SEL1L3: variants seen among roughly 807,000 people sequenced by gnomAD.
The protein encoded by SEL1L3 is protein sel-1 homolog 3.
SEL1L3 carries 76 observed loss-of-function variants against 142.8 expected under a neutral mutation model. The ratio of observed to expected loss-of-function variants is 0.53; its 90% confidence interval spans 0.44 to 0.64. The LOEUF (loss-of-function observed/expected upper bound fraction) is 0.64, where lower values mean the gene tolerates loss of function less well. SEL1L3 is among the 30% of genes least tolerant of loss of function. SEL1L3 has a pLI of 0.00. For missense variants in SEL1L3, 1,262 were observed against 1,381.7 expected, an observed-to-expected ratio of 0.91 and a Z score of 1.37; for synonymous variants, 504 against 519.6, an observed-to-expected ratio of 0.97 and a Z score of 0.41.
At chr4:25,728,211 C>A in the SEL1L3 span, among the ~76,000 whole-genome samples, 26 of 152,140 alleles carry the variant, frequency 1.7e-4, no homozygotes, top group Non-Finnish European at 4.4e-5. Flanking sequence ...CTGTTTACTG[C>A]TCTGCAAGCT....
At chr4:25,723,416 G>A in the SEL1L3 span, among the ~76,000 whole-genome samples, 1 of 152,198 alleles carries the variant, frequency 6.6e-6, no homozygotes, top group East Asian at 1.9e-4. Context: ...AGGTGCCCAA[G>A]TGAAATATAA....
At chr4:25,737,701 G>A in the SEL1L3 span, among the ~76,000 whole-genome samples, 10 of 152,048 alleles carry the variant, frequency 6.6e-5, no homozygotes, top group African/African-American at 1.5e-4. Context: ...TTCTTTGCAT[G>A]CTCAAGTCCC....
chr4:25,717,185 A>G, the SEL1L3 span, among the ~76,000 whole-genome samples: 1 of 152,070 alleles, frequency 6.6e-6, no homozygotes, highest in African/African-American at 2.4e-5. Context: ...TACACCTACT[A>G]TGTAGCACAA....
chr4:25,724,693 C>G, the SEL1L3 span, among the ~76,000 whole-genome samples: 3 of 117,072 alleles, frequency 2.6e-5, no homozygotes, highest in Non-Finnish European at 4.8e-5. Flanking sequence ...GCCAAGATGG[C>G]GCCACTGCAC....
At chr4:25,738,500 C>T in the SEL1L3 span, among the ~76,000 whole-genome samples, 9 of 152,166 alleles carry the variant, frequency 5.9e-5, no homozygotes, top group African/African-American at 2.2e-4. Flanking sequence ...AACACCAAGG[C>T]TTCTTCACTC....
At chr4:25,732,652 T>C in the SEL1L3 span, among the ~76,000 whole-genome samples, 1 of 152,156 alleles carries the variant, frequency 6.6e-6, no homozygotes, top group South Asian at 2.1e-4. Flanking sequence ...CTGTTCAGTT[T>C]GTTTGCCTCC....
chr4:25,833,890 G>C (rs1715602705), intron 3 of SEL1L3, among the ~76,000 whole-genome samples: 1 of 152,140 alleles, frequency 6.6e-6, no homozygotes, highest in Admixed American at 6.5e-5. Context: ...TACAAAGTCA[G>C]ACATAGATTA....
chr4:25,841,413 A>C (rs945429641), intron 2 of SEL1L3, among the ~76,000 whole-genome samples: 2 of 152,192 alleles, frequency 1.3e-5, no homozygotes, highest in Non-Finnish European at 2.9e-5. Context: ...AAGCCACACA[A>C]AGTGCTTAAC....
At chr4:25,825,666 A>AT (rs33997941) in intron 6 of SEL1L3, among the ~76,000 whole-genome samples, 21,913 of 74,306 alleles carry the variant, frequency 0.29, 5,552 homozygotes, top group East Asian at 0.41. Flanking sequence ...TCTAAATTCT[A>AT]TTTTTTTTTT....
the SEL1L3 span, among the ~76,000 whole-genome samples, chr4:25,729,204 A>T: frequency 4.3e-4 from 66 of 152,322 alleles, no homozygotes; most frequent in African/African-American, 1.5e-3. Flanking sequence ...CTGATAAATG[A>T]CCACCAACCA....
intron 13 of SEL1L3, among the ~76,000 whole-genome samples, chr4:25,787,831 A>G (rs1369358238): frequency 6.6e-6 from 1 of 152,140 alleles, no homozygotes; most frequent in African/African-American, 2.4e-5. Flanking sequence ...CTTTATTTTC[A>G]TCAGCAGGAT....
the SEL1L3 span, chr4:25,718,484 T>C: frequency 6.6e-6 from 1 of 152,106 alleles, no homozygotes; most frequent in Non-Finnish European, 1.5e-5. Flanking sequence ...AAGGATGAAG[T>C]GAATGCGCGA....
chr4:25,805,128 CACAA>C (rs1283281587), intron 9 of SEL1L3, among the ~76,000 whole-genome samples: 1 of 152,194 alleles, frequency 6.6e-6, no homozygotes, highest in African/African-American at 2.4e-5. Context: ...TGTTTTATCT[CACAA>C]ACAGTTCTTA....
chr4:25,806,333 G>C (rs1441140332), intron 9 of SEL1L3, among the ~76,000 whole-genome samples: 2 of 151,784 alleles, frequency 1.3e-5, no homozygotes, highest in Non-Finnish European at 2.9e-5. Context: ...CACCGCGCCC[G>C]GCAAAATGTT....
At chr4:25,809,937 C>A (rs574443301) in intron 9 of SEL1L3, among the ~76,000 whole-genome samples, 1 of 152,168 alleles carries the variant, frequency 6.6e-6, no homozygotes, top group Non-Finnish European at 1.5e-5. Flanking sequence ...AAAATAAAGT[C>A]AAAAGCAAGG....
the SEL1L3 span, among the ~76,000 whole-genome samples, chr4:25,737,143 C>G: frequency 2.6e-5 from 4 of 152,228 alleles, no homozygotes; most frequent in East Asian, 5.8e-4. Context: ...CGCCACCACG[C>G]TCAGCTAATA....
At chr4:25,771,337 G>A (rs1001147228) in intron 17 of SEL1L3, among the ~76,000 whole-genome samples, 1 of 152,198 alleles carries the variant, frequency 6.6e-6, no homozygotes, top group Non-Finnish European at 1.5e-5. Flanking sequence ...TGGGTGCAGA[G>A]AGGAAGGGAT....
chr4:25,859,996 A>G (rs1171094575), intron 1 of SEL1L3, among the ~76,000 whole-genome samples: 1 of 152,196 alleles, frequency 6.6e-6, no homozygotes, highest in Non-Finnish European at 1.5e-5. Flanking sequence ...AGCAAAATCC[A>G]GAAGACAATA....
chr4:25,856,653 AC>A (rs1434150558), intron 1 of SEL1L3, among the ~76,000 whole-genome samples: 1 of 151,994 alleles, frequency 6.6e-6, no homozygotes. Context: ...ATGATAGAAG[AC>A]CCCAAATAGG....
Sources: allele counts gnomAD v4.1 joint callset (sites outside exome capture counted in the v4.1 genomes callset), GRCh38; gene constraint gnomAD v4.1.1; transcripts MANE v1.5; gene names NCBI Gene and HGNC (gene_info 2026-07-23, HGNC 2026-07-21).